SIGLECL1: variants seen among roughly 807,000 people sequenced by gnomAD.
The protein encoded by SIGLECL1 is SIGLEC family-like protein 1.
Under a neutral mutation model 19.1 loss-of-function variants are expected in SIGLECL1, and 16 were observed. That is an observed-to-expected ratio of 0.84 (90% confidence interval 0.57 to 1.27). The LOEUF is 1.27. Ranked by LOEUF, SIGLECL1 falls within the 50% of genes most tolerant of loss-of-function variation. The probability of loss-of-function intolerance (pLI) is 0.00; values close to 1 mark genes in which losing one functional copy is unlikely to be tolerated. For missense variants in SIGLECL1, 210 were observed against 239.4 expected (o/e 0.88, Z 0.81); for synonymous variants, 89 against 90.4 (o/e 0.98, Z 0.09).
chr19:51,265,563 C>G lies in SIGLECL1; in HGVS notation c.218C>G (p.Thr73Ser). The G allele has an allele frequency of 1.2e-6, 2 of 1,614,194 alleles. No homozygotes were observed. Among genetic ancestry groups the G allele is most frequent in the Non-Finnish European group, 1.7e-6 (2 of 1,180,036 alleles). The change falls in exon 3 of 6, where the codon ACT (threonine) becomes AGT (serine). Residue 73 changes from threonine to serine, a missense_variant. Transcript: ENST00000601727. ...GPWANSTISLTEEPEMGMRLL... is the reference protein window; with the variant it reads ...GPWANSTISLSEEPEMGMRLL... ...TGGGCTAACAGCACCATCAGCCTAA[C>G]TGAAGAGCCAGAAATGGGCATGAGA...
chr19:51,261,101 CAA>C (rs1983180173), intron 1 of SIGLECL1, among the ~76,000 whole-genome samples: 1 of 152,040 alleles, frequency 6.6e-6, no homozygotes, highest in Admixed American at 6.6e-5. Context: ...TGTTAGTAGG[CAA>C]ACACAAATTT....
intron 1 of SIGLECL1, among the ~76,000 whole-genome samples, chr19:51,259,972 G>A (rs1983092982): frequency 1.3e-5 from 2 of 152,210 alleles, no homozygotes; most frequent in African/African-American, 4.8e-5. Context: ...TACTGAGGAA[G>A]GCAAAAACAA....
chr19:51,254,174 T>G (rs1982661245), intron 1 of SIGLECL1, among the ~76,000 whole-genome samples: 1 of 151,980 alleles, frequency 6.6e-6, no homozygotes, highest in Non-Finnish European at 1.5e-5. Context: ...AAATATTTTT[T>G]TTAAATGAAT....
At position 51,251,389 on chromosome 19, in the gene SIGLECL1, G is replaced by A. The variant is rs1156826573; in HGVS notation, c.-347G>A. ...GCTCTCGTGCCAGTGAGGCCCCTGA[G>A]AGCCCTTTGGTCAGACAGAGGCTAA... is the stretch of plus-strand genomic sequence containing the variant. On this transcript the variant is annotated 5_prime_UTR_variant, in exon 1 of 6. Coordinates refer to ENST00000601727, the MANE Select transcript of SIGLECL1 (RefSeq NM_001385465.1). 3 of 152,716 alleles carry A rather than the reference G, an allele frequency of 2.0e-5. No homozygotes were observed. The highest frequency in any genetic ancestry group is 7.2e-5 in the African/African-American group (3 of 41,470). The allele number at this position is 152,716 out of a possible 1,614,324, so 9.5% of individuals were successfully genotyped here. A position where few individuals can be genotyped will look rare whatever the true frequency, so the allele number is the denominator to read the frequency against.
intron 1 of SIGLECL1, among the ~76,000 whole-genome samples, chr19:51,256,481 A>C (rs4331428): frequency 0.042 from 6,462 of 152,322 alleles, 468 homozygotes; most frequent in African/African-American, 0.15. Flanking sequence ...AACGCATGGA[A>C]GCAAAGTATA....
At chr19:51,265,230 G>A (rs1376912584) in intron 2 of SIGLECL1, 138 bp from the exon 3 acceptor site, 3 of 889,158 alleles carry the variant, frequency 3.4e-6, no homozygotes, top group East Asian at 4.9e-5. Flanking sequence ...TGGTCTGGGA[G>A]GCCTGAATCC....
intron 4 of SIGLECL1, among the ~76,000 whole-genome samples, chr19:51,266,887 G>A (rs1290632684): frequency 6.6e-6 from 1 of 152,134 alleles, no homozygotes; most frequent in African/African-American, 2.4e-5. Flanking sequence ...TGAGCTTGGG[G>A]TGGGACACAG....
chr19:51,268,533 T>A (rs1983843638), intron 5 of SIGLECL1, 38 bp from the exon 6 acceptor site: 3 of 1,612,878 alleles, frequency 1.9e-6, no homozygotes, highest in South Asian at 1.1e-5. Context: ...TGTTCCAACA[T>A]TCTTTTTTCT....
At chr19:51,262,292 A>G (rs1260173211) in intron 1 of SIGLECL1, among the ~76,000 whole-genome samples, 3 of 152,216 alleles carry the variant, frequency 2.0e-5, no homozygotes, top group Non-Finnish European at 4.4e-5. Flanking sequence ...ACATATGGCT[A>G]TTGAGCCCTT....
At chr19:51,252,912 C>T (rs981299873) in intron 1 of SIGLECL1, among the ~76,000 whole-genome samples, 2 of 151,898 alleles carry the variant, frequency 1.3e-5, no homozygotes, top group Non-Finnish European at 2.9e-5. Flanking sequence ...ACTGCTTGAG[C>T]CCAGGAGTTC....
chr19:51,265,647 C>T lies in SIGLECL1; in HGVS notation c.302C>T (p.Ser101Leu). ...GTHALSILLM[S>L]RKSSLAAQAF... ...CATGCTTTGAGCATCCTACTGATGT[C>T]AAGTGAGGGTGGAGGGGGCTCGGTG... The change falls in exon 3 of 6, where the codon TCA becomes TTA. Residue 101 changes from serine to leucine, a missense_variant and splice_region_variant. Coordinates refer to ENST00000601727, the MANE Select transcript of SIGLECL1 (RefSeq NM_001385465.1). The T allele has an allele frequency of 6.2e-7, 1 of 1,612,650 alleles. No homozygotes were observed. The highest frequency in any genetic ancestry group is 8.5e-7 in the Non-Finnish European group (1 of 1,178,954).
chr19:51,264,132 G>A lies in SIGLECL1; in HGVS notation c.22+38G>A, dbSNP rs367828225. ...AGAAGCAGCACTGGAGGTGTGTTTG[G>A]AAGCCAAGACTCCAGGGCCTGGGTG... On this transcript the variant is annotated intron_variant, in intron 2 of 5. Coordinates refer to ENST00000601727, the MANE Select transcript of SIGLECL1 (RefSeq NM_001385465.1). The A allele has an allele frequency of 4.3e-6, 7 of 1,613,346 alleles. No individual in the cohort carries two copies. The East Asian group carries it at 6.7e-5, about 15-fold the overall frequency.
At chr19:51,252,885 G>A (rs1450686274) in intron 1 of SIGLECL1, among the ~76,000 whole-genome samples, 1 of 152,124 alleles carries the variant, frequency 6.6e-6, no homozygotes, top group Non-Finnish European at 1.5e-5. Flanking sequence ...AGCACTTTGG[G>A]AGGCTGAGGT....
At chr19:51,254,842 G>A (rs890380824) in intron 1 of SIGLECL1, among the ~76,000 whole-genome samples, 4 of 152,002 alleles carry the variant, frequency 2.6e-5, no homozygotes, top group African/African-American at 9.7e-5. Context: ...ATTATAAAAA[G>A]GTTAGCTACC....
At chr19:51,259,568 G>C (rs997897642) in intron 1 of SIGLECL1, among the ~76,000 whole-genome samples, 2 of 152,168 alleles carry the variant, frequency 1.3e-5, no homozygotes, top group Non-Finnish European at 2.9e-5. Context: ...GCTGGGATTT[G>C]GGGCCAGAAA....
intron 1 of SIGLECL1, among the ~76,000 whole-genome samples, chr19:51,260,930 C>A (rs1336775774): frequency 1.3e-5 from 2 of 152,134 alleles, no homozygotes; most frequent in Non-Finnish European, 2.9e-5. Flanking sequence ...TATTTTTGGT[C>A]AAATTTGCTG....
chr19:51,268,458 A>G (rs1025760392), intron 5 of SIGLECL1, 113 bp from the exon 6 acceptor site: 11 of 1,120,112 alleles, frequency 9.8e-6, no homozygotes, highest in South Asian at 1.2e-5. Context: ...TGCTCACTCC[A>G]TGTTGCCTTA....
chr19:51,260,099 A>C (rs75654850), intron 1 of SIGLECL1, among the ~76,000 whole-genome samples: 6,757 of 152,282 alleles, frequency 0.044, 517 homozygotes, highest in African/African-American at 0.16. Flanking sequence ...TACTATTAAA[A>C]GGATGCCTAT....
intron 1 of SIGLECL1, among the ~76,000 whole-genome samples, chr19:51,259,067 G>T (rs1174143200): frequency 6.6e-6 from 1 of 152,204 alleles, no homozygotes; most frequent in South Asian, 2.1e-4. Flanking sequence ...AAAGTCATAT[G>T]CATATTAGTA....
Sources: allele counts gnomAD v4.1 joint callset (sites outside exome capture counted in the v4.1 genomes callset), GRCh38; gene constraint gnomAD v4.1.1; transcripts MANE v1.5; gene names NCBI Gene and HGNC (gene_info 2026-07-23, HGNC 2026-07-21).